The following BCKDHB variants were observed in gnomAD, a reference collection of about 807,000 sequenced individuals.
BCKDHB encodes the protein branched chain keto acid dehydrogenase E1 subunit beta, also known as 2-oxoisovalerate dehydrogenase subunit beta, mitochondrial.
Under a neutral mutation model 48.5 loss-of-function variants are expected in BCKDHB, and 41 were observed. The observed-to-expected ratio is 0.85, with a 90% confidence interval of 0.66 to 1.10. The LOEUF (loss-of-function observed/expected upper bound fraction) is 1.10. Ranked by LOEUF, BCKDHB falls within the 50% of genes least tolerant of loss-of-function variation. BCKDHB has a pLI of 0.00. For synonymous variants in BCKDHB, 201 were observed against 174.8 expected, an observed-to-expected ratio of 1.15 and a Z score of -1.18; for missense variants, 496 against 494.2, an observed-to-expected ratio of 1.00 and a Z score of -0.03.
the BCKDHB span, among the ~76,000 whole-genome samples, chr6:80,403,760 C>G: frequency 6.6e-6 from 1 of 151,906 alleles, no homozygotes; most frequent in Admixed American, 6.6e-5. Context: ...CTTTCTATAT[C>G]TAATTGGTTG....
At chr6:80,340,764 AT>A (rs3840380) in intron 9 of BCKDHB, among the ~76,000 whole-genome samples, 129,367 of 151,984 alleles carry the variant, frequency 0.85, 55,080 homozygotes, top group Middle Eastern at 0.9. Context: ...GGGATTCGGT[AT>A]TTTTTTTCTG....
chr6:80,119,419 A>T (rs568360809), intron 1 of BCKDHB, among the ~76,000 whole-genome samples: 1 of 152,022 alleles, frequency 6.6e-6, no homozygotes, highest in Non-Finnish European at 1.5e-5. Context: ...CCTGGGTTCA[A>T]GTGATTCTTG....
the BCKDHB span, among the ~76,000 whole-genome samples, chr6:80,384,719 T>C: frequency 6.6e-6 from 1 of 152,274 alleles, no homozygotes; most frequent in Non-Finnish European, 1.5e-5. Context: ...AGACAGCCTA[T>C]TGTGGGACCT....
At chr6:80,369,033 A>C in the BCKDHB span, among the ~76,000 whole-genome samples, 1 of 151,298 alleles carries the variant, frequency 6.6e-6, no homozygotes, top group Admixed American at 6.6e-5. Flanking sequence ...AAAACAAAAG[A>C]AAAGAAAAAA....
downstream of BCKDHB, among the ~76,000 whole-genome samples, chr6:80,346,980 G>T (rs2128023376): frequency 6.8e-6 from 1 of 147,464 alleles, no homozygotes; most frequent in South Asian, 2.2e-4. Context: ...CCTTTCTCTA[G>T]AAACACTGGA....
At chr6:80,462,892 G>T in the BCKDHB span, 1 of 152,206 alleles carries the variant, frequency 6.6e-6, no homozygotes, top group Non-Finnish European at 1.5e-5. Flanking sequence ...GGCCTCTCCA[G>T]ATTGTGATGC....
chr6:80,239,951 C>G (rs1776311104), intron 8 of BCKDHB, among the ~76,000 whole-genome samples: 1 of 152,068 alleles, frequency 6.6e-6, no homozygotes, highest in African/African-American at 2.4e-5. Context: ...TGTTCTGTTC[C>G]ATTGGTCTAT....
At chr6:80,244,174 A>ATTC (rs1165527022) in intron 8 of BCKDHB, among the ~76,000 whole-genome samples, 1 of 152,220 alleles carries the variant, frequency 6.6e-6, no homozygotes, top group African/African-American at 2.4e-5. Flanking sequence ...TTGATGACAG[A>ATTC]TGAAAGTGAA....
At chr6:80,366,940 G>A in the BCKDHB span, among the ~76,000 whole-genome samples, 1 of 152,198 alleles carries the variant, frequency 6.6e-6, no homozygotes, top group Non-Finnish European at 1.5e-5. Flanking sequence ...CAGCTGGGAA[G>A]GCAGCCATGC....
At chr6:80,263,346 A>G (rs1198885234) in intron 8 of BCKDHB, among the ~76,000 whole-genome samples, 10 of 152,206 alleles carry the variant, frequency 6.6e-5, no homozygotes. Flanking sequence ...TTGTCACATT[A>G]ATAACTTAGA....
At chr6:80,179,805 C>A (rs752129942) in intron 6 of BCKDHB, among the ~76,000 whole-genome samples, 15 of 152,128 alleles carry the variant, frequency 9.9e-5, no homozygotes, top group Non-Finnish European at 1.6e-4. Flanking sequence ...GTTTGGGAAC[C>A]TTTGCACCTT....
chr6:80,316,902 T>C (rs991377637), intron 9 of BCKDHB, among the ~76,000 whole-genome samples: 1 of 151,764 alleles, frequency 6.6e-6, no homozygotes, highest in African/African-American at 2.4e-5. Context: ...ATGTGCTTAG[T>C]TGGCTCAAAT....
chr6:80,300,025 A>G (rs998598656), intron 9 of BCKDHB, among the ~76,000 whole-genome samples: 9 of 152,098 alleles, frequency 5.9e-5, no homozygotes, highest in Admixed American at 2.6e-4. Flanking sequence ...TGCAAACGGA[A>G]AACAAAAGAG....
intron 6 of BCKDHB, among the ~76,000 whole-genome samples, chr6:80,174,746 G>A (rs927041494): frequency 6.6e-6 from 1 of 152,122 alleles, no homozygotes; most frequent in Non-Finnish European, 1.5e-5. Context: ...ATTCTATAGG[G>A]CACTGAGGAT....
the BCKDHB span, among the ~76,000 whole-genome samples, chr6:80,424,485 A>C: frequency 6.6e-6 from 1 of 152,214 alleles, no homozygotes; most frequent in South Asian, 2.1e-4. Context: ...ATTTGATATT[A>C]TATAATTTCA....
intron 8 of BCKDHB, among the ~76,000 whole-genome samples, chr6:80,252,929 T>A (rs1389050513): frequency 6.6e-6 from 1 of 152,126 alleles, no homozygotes; most frequent in Non-Finnish European, 1.5e-5. Flanking sequence ...CACCCCCTCC[T>A]CCTCTCAGCA....
chr6:80,241,437 T>TATAG (rs1435846640), intron 8 of BCKDHB, among the ~76,000 whole-genome samples: 1 of 152,158 alleles, frequency 6.6e-6, no homozygotes, highest in Admixed American at 6.5e-5. Context: ...GGAGTTTTGG[T>TATAG]ATGAGTTGTC....
chr6:80,290,490 A>G (rs966761325), intron 9 of BCKDHB, among the ~76,000 whole-genome samples: 3 of 152,194 alleles, frequency 2.0e-5, no homozygotes, highest in Non-Finnish European at 4.4e-5. Flanking sequence ...GAACATGAGG[A>G]AGAACGAAAG....
chr6:80,342,556 G>GAAA (rs34127398), intron 9 of BCKDHB, among the ~76,000 whole-genome samples: 802 of 24,012 alleles, frequency 0.033, 185 homozygotes, highest in East Asian at 0.045. Context: ...CCTCATTTCT[G>GAAA]AAAAAAAAAA....
Sources: allele counts gnomAD v4.1 joint callset (sites outside exome capture counted in the v4.1 genomes callset), GRCh38; gene constraint gnomAD v4.1.1; transcripts MANE v1.5; gene names NCBI Gene and HGNC (gene_info 2026-07-23, HGNC 2026-07-21).